The following TBC1D14 variants were observed in gnomAD, a reference collection of about 807,000 sequenced individuals.
TBC1D14 encodes TBC1 domain family, member 14.
Under a neutral mutation model 79.0 loss-of-function variants are expected in TBC1D14, and 26 were observed. The ratio of observed to expected loss-of-function variants is 0.33; its 90% CI spans 0.24 to 0.46. The LOEUF is 0.46. TBC1D14 is among the 20% of genes least tolerant of loss of function. The probability of loss-of-function intolerance (pLI) is 1.00; values close to 1 mark genes in which losing one functional copy is unlikely to be tolerated. For synonymous variants in TBC1D14, 394 were observed against 349.9 expected, an observed-to-expected ratio of 1.13 and a Z score of -1.40; for missense variants, 769 against 887.6, an observed-to-expected ratio of 0.87 and a Z score of 1.70.
intron 2 of TBC1D14, among the ~76,000 whole-genome samples, chr4:6,962,325 C>T (rs1317410916): frequency 6.6e-6 from 1 of 152,072 alleles, no homozygotes; most frequent in Non-Finnish European, 1.5e-5. Flanking sequence ...TGCGACGGTG[C>T]GGGTGGCACT....
chr4:6,935,666 C>CA (rs1553854810), intron 2 of TBC1D14, among the ~76,000 whole-genome samples: 1 of 149,072 alleles, frequency 6.7e-6, no homozygotes, highest in Non-Finnish European at 1.5e-5. Flanking sequence ...TTTTTTGAGA[C>CA]AGAGTCTCAC....
chr4:6,993,965 A>G (rs4689061), intron 3 of TBC1D14, among the ~76,000 whole-genome samples: 104,437 of 152,100 alleles, frequency 0.69, 36,004 homozygotes, highest in South Asian at 0.79. Flanking sequence ...AGCCAAGATC[A>G]TGTCATTGCA....
intron 12 of TBC1D14, among the ~76,000 whole-genome samples, chr4:7,024,576 C>G (rs761623696): frequency 1.3e-5 from 2 of 152,150 alleles, no homozygotes; most frequent in East Asian, 1.9e-4. Flanking sequence ...GAAGGAGCCT[C>G]GTGCATGCTC....
rs545708798 is a variant in TBC1D14 at position 6,936,310 on chromosome 4, C to A, written c.722+12199C>A. Among the ~76,000 whole-genome samples, 3 of 152,316 alleles carry A rather than the reference C, an allele frequency of 2.0e-5. No homozygotes were observed. In the East Asian group the frequency reaches 5.8e-4, roughly 29 times the overall value. ...CCAAATCCTCTGTGATCCACCTGTC[C>A]GTCTCTCTTTTTCTCCTTACCCCTG... is the stretch of plus-strand genomic sequence containing the variant. On this transcript the variant is annotated intron_variant, in intron 2 of 13. Coordinates refer to ENST00000409757, the MANE Select transcript of TBC1D14 (RefSeq NM_020773.3).
rs1276892685 is a variant in TBC1D14 at position 7,032,401 on chromosome 4, A to G, written c.*2009A>G. 6.5e-6 allele frequency: 1 copy of G among 152,682 alleles called. No individual in the cohort carries two copies. The highest frequency in any genetic ancestry group is 6.5e-5 in the Admixed American group (1 of 15,286). 9.5% of individuals were successfully genotyped at this position (152,682 alleles called of 1,614,324 possible). ...GGTGGCGCGGCAAAGGGCCTCGTGC[A>G]GTGTGTTCAGATTGCCCCTGGGGAT... On this transcript the variant is annotated 3_prime_UTR_variant, in exon 14 of 14. Transcript: ENST00000409757.
chr4:6,991,880 G>A (rs1379723551), intron 3 of TBC1D14, among the ~76,000 whole-genome samples: 3 of 152,176 alleles, frequency 2.0e-5, no homozygotes, highest in African/African-American at 4.8e-5. Context: ...TGACTGAAGC[G>A]ATCTGATGTT....
rs143896995 is a variant in TBC1D14, at chr4:6,988,067, G to A, written c.844-6117G>A. On this transcript the variant is annotated intron_variant, in intron 3 of 13. Transcript: ENST00000409757. The stretch of plus-strand genomic sequence containing the variant: ...GGTCAGGCTTCAGGGGTTAGCCGGG[G>A]CTGCCTTTTGGAAGGTGGGACCTTT... Among the ~76,000 whole-genome samples, 351 of 152,306 alleles carry A rather than the reference G, an allele frequency of 2.3e-3. 1 individual carries two copies. The highest frequency in any genetic ancestry group is 4.1e-3 in the Non-Finnish European group (279 of 68,024).
intron 1 of TBC1D14, among the ~76,000 whole-genome samples, chr4:6,914,662 CT>C (rs1319064486): frequency 2.6e-5 from 4 of 152,176 alleles, no homozygotes; most frequent in African/African-American, 9.7e-5. Flanking sequence ...GTCATCTGCG[CT>C]TGGGGAGCGG....
chr4:7,003,553 C>T (rs1340100687), intron 7 of TBC1D14, among the ~76,000 whole-genome samples: 3 of 152,164 alleles, frequency 2.0e-5, no homozygotes, highest in Non-Finnish European at 4.4e-5. Context: ...TGTGCACTGC[C>T]CAGAAGGCAG....
In TBC1D14 at chr4:7,032,554, A is replaced by G. The variant is rs1272275532; in HGVS notation, c.*2162A>G. 1.3e-5 allele frequency: 2 copies of G among 152,284 alleles called. No homozygotes were observed. Among genetic ancestry groups the G allele is most frequent in the African/African-American group, 2.4e-5 (1 of 41,432 alleles). 9.4% of individuals were successfully genotyped at this position (152,284 alleles called of 1,614,324 possible). A position where few individuals can be genotyped will look rare whatever the true frequency, so the allele number is the denominator to read the frequency against. ...CCATGCCAGTGTGGAACACCTTCCC[A>G]ATCTTAGTTCAGAAGTGGCTTGTAT... is the stretch of plus-strand genomic sequence containing the variant. On this transcript the variant is annotated 3_prime_UTR_variant, in exon 14 of 14. Coordinates refer to ENST00000409757, the MANE Select transcript of TBC1D14 (RefSeq NM_020773.3).
intron 7 of TBC1D14, among the ~76,000 whole-genome samples, chr4:7,001,978 A>G (rs1008358071): frequency 1.3e-5 from 2 of 152,118 alleles, no homozygotes; most frequent in African/African-American, 4.8e-5. Context: ...TGGGCCTAGG[A>G]CCTGCTGGGG....
At chr4:7,028,874 A>G (rs577846609) in intron 13 of TBC1D14, among the ~76,000 whole-genome samples, 91 of 147,970 alleles carry the variant, frequency 6.1e-4, no homozygotes, top group Non-Finnish European at 1.2e-3. Context: ...TCTCACTCTC[A>G]TTGCCGAGAC....
chr4:6,989,678 G>C (rs1024942102), intron 3 of TBC1D14, among the ~76,000 whole-genome samples: 1 of 152,170 alleles, frequency 6.6e-6, no homozygotes, highest in Non-Finnish European at 1.5e-5. Flanking sequence ...CCAGGCCCGC[G>C]TGGTCCCTTC....
chr4:7,028,114 C>T (rs1722647839), intron 13 of TBC1D14, among the ~76,000 whole-genome samples: 1 of 147,748 alleles, frequency 6.8e-6, no homozygotes, highest in Admixed American at 6.7e-5. Flanking sequence ...GCCCCACACA[C>T]ACGTCACCCC....
chr4:7,030,391 G>A lies in TBC1D14; in HGVS notation c.2081G>A (p.Ter694=). The A allele has an allele frequency of 6.2e-7, 1 of 1,613,920 alleles. No homozygotes were observed. Among genetic ancestry groups the A allele is most frequent in the Non-Finnish European group, 8.5e-7 (1 of 1,179,822 alleles). ...MEKGSPSLRH[*] is the part of the protein sequence containing the mutation. ...AAGGGAAGTCCGTCCCTCCGACACT[G>A]AGGCTGCAGCGGGAATTCGCACTCG... Residue 694 remains the stop codon, a stop_retained_variant, in exon 14 of 14, where the codon TGA becomes TAA. Coordinates refer to ENST00000409757, the MANE Select transcript of TBC1D14 (RefSeq NM_020773.3).
At chr4:6,920,329 T>G (rs909734252) in intron 1 of TBC1D14, among the ~76,000 whole-genome samples, 1 of 151,658 alleles carries the variant, frequency 6.6e-6, no homozygotes, top group African/African-American at 2.4e-5. Flanking sequence ...TGGAGTGCAG[T>G]GGTGATCATA....
intron 9 of TBC1D14, among the ~76,000 whole-genome samples, chr4:7,009,304 G>A (rs1198496551): frequency 6.6e-6 from 1 of 152,166 alleles, no homozygotes; most frequent in Non-Finnish European, 1.5e-5. Flanking sequence ...TTGACTTTTT[G>A]GAAGCAGTTA....
chr4:6,991,392 C>T (rs1718472831), intron 3 of TBC1D14, among the ~76,000 whole-genome samples: 1 of 152,154 alleles, frequency 6.6e-6, no homozygotes, highest in Non-Finnish European at 1.5e-5. Flanking sequence ...CCCACTTGCC[C>T]GCCGGGTAAG....
At chr4:6,959,475 G>A (rs991858940) in intron 2 of TBC1D14, among the ~76,000 whole-genome samples, 6 of 152,170 alleles carry the variant, frequency 3.9e-5, no homozygotes, top group Admixed American at 6.5e-5. Context: ...TGGTGTGAAG[G>A]CTGTGGTCCT....
Sources: allele counts gnomAD v4.1 joint callset (sites outside exome capture counted in the v4.1 genomes callset), GRCh38; gene constraint gnomAD v4.1.1; transcripts MANE v1.5; gene names NCBI Gene and HGNC (gene_info 2026-07-23, HGNC 2026-07-21).